CTNS: variants seen among roughly 807,000 people sequenced by gnomAD.
CTNS encodes cystinosin.
Under a neutral mutation model 43.7 loss-of-function variants are expected in CTNS, and 27 were observed. The ratio of observed to expected loss-of-function variants is 0.62; its 90% CI spans 0.46 to 0.85. The LOEUF is 0.85. Ranked by LOEUF, CTNS falls within the 40% of genes least tolerant of loss-of-function variation. The pLI, the probability that CTNS is intolerant of heterozygous loss-of-function variation, is 0.00. For missense variants in CTNS, 457 were observed against 475.4 expected, an observed-to-expected ratio of 0.96 and a Z score of 0.36; for synonymous variants, 187 against 190.6, an observed-to-expected ratio of 0.98 and a Z score of 0.16.
chr17:3,648,743 A>C, intron 4 of CTNS, 104 bp from the exon 5 acceptor site: 2 of 983,734 alleles, frequency 2.0e-6, no homozygotes, highest in Non-Finnish European at 3.3e-6. Context: ...GCATTTCCTA[A>C]GCCTAACTGC....
rs1857462208 is a variant in CTNS at position 3,661,419 on chromosome 17, G to GGC, written c.*1051_*1052insCG. The GGC allele has an allele frequency of 6.5e-6, 1 of 153,432 alleles. No individual in the cohort carries two copies. Among genetic ancestry groups the GGC allele is most frequent in the African/African-American group, 2.4e-5 (1 of 41,422 alleles). 9.5% of individuals were successfully genotyped at this position (153,432 alleles called of 1,614,324 possible). On this transcript the variant is annotated 3_prime_UTR_variant, in exon 12 of 12. Coordinates refer to ENST00000046640, the MANE Select transcript of CTNS (RefSeq NM_004937.3). The stretch of plus-strand genomic sequence containing the variant: ...AAAGCTGTCCTTCCTATGGCAGGAG[G>GGC]GGTGGGGGTCCCAGGACGTGCCTCA...
intron 3 of CTNS, among the ~76,000 whole-genome samples, chr17:3,644,106 C>A (rs1215571865): frequency 6.6e-6 from 1 of 152,118 alleles, no homozygotes; most frequent in Non-Finnish European, 1.5e-5. Flanking sequence ...CCACCTTGGG[C>A]TAAAAATATC....
At chr17:3,642,445 T>C (rs2075743840) in intron 3 of CTNS, among the ~76,000 whole-genome samples, 1 of 152,096 alleles carries the variant, frequency 6.6e-6, no homozygotes, top group Non-Finnish European at 1.5e-5. Context: ...CCCAGCACTT[T>C]GGGAGGCCAA....
intron 3 of CTNS, among the ~76,000 whole-genome samples, 180 bp from the exon 4 acceptor site, chr17:3,647,262 GTC>G (rs2075864905): frequency 6.6e-6 from 1 of 152,184 alleles, no homozygotes; most frequent in Non-Finnish European, 1.5e-5. Flanking sequence ...CTCCATCTCT[GTC>G]TCTGGCAGCA....
At chr17:3,653,283 G>A (rs1370072623) in intron 5 of CTNS, among the ~76,000 whole-genome samples, 1 of 150,644 alleles carries the variant, frequency 6.6e-6, no homozygotes, top group Non-Finnish European at 1.5e-5. Flanking sequence ...TATGGTTGTG[G>A]GCACCTGTAA....
chr17:3,653,133 C>T (rs566068263), intron 5 of CTNS, among the ~76,000 whole-genome samples: 207 of 152,276 alleles, frequency 1.4e-3, no homozygotes, highest in African/African-American at 4.7e-3. Flanking sequence ...CTCGGAAGGC[C>T]GGGCATGGTG....
In CTNS at chr17:3,662,954, G is replaced by A. The variant is rs927349890; in HGVS notation, c.*2585G>A. On this transcript the variant is annotated 3_prime_UTR_variant, in exon 12 of 12. Coordinates refer to ENST00000046640, the MANE Select transcript of CTNS (RefSeq NM_004937.3). ...GGGGAGGGGCGGCAGTGGTTTCCAC[G>A]GTAACCAAAGTAAGGCTTGTGCACT... The A allele has an allele frequency of 6.6e-6, 1 of 152,144 alleles. No homozygotes were observed. The highest frequency in any genetic ancestry group is 1.5e-5 in the Non-Finnish European group (1 of 68,036). 9.4% of individuals were successfully genotyped at this position (152,144 alleles called of 1,614,324 possible).
chr17:3,655,766 C>T, intron 7 of CTNS: 1 of 274,538 alleles, frequency 3.6e-6, no homozygotes, highest in Non-Finnish European at 7.1e-6. Flanking sequence ...TGCAGTCACC[C>T]TGGCCACGTC....
At chr17:3,637,703 G>C (rs985054523) in intron 2 of CTNS, among the ~76,000 whole-genome samples, 134 of 152,148 alleles carry the variant, frequency 8.8e-4, no homozygotes, top group African/African-American at 3.2e-3. Flanking sequence ...CTGACCTCAG[G>C]TGATGCGCTC....
At chr17:3,641,384 A>ATATATATATATATATTTTT (rs1555558526) in intron 3 of CTNS, among the ~76,000 whole-genome samples, 3 of 31,200 alleles carry the variant, frequency 9.6e-5, no homozygotes, top group East Asian at 1.3e-3. Flanking sequence ...ATATATATAT[A>ATATATATATATATATTTTT]TTTTTTTTTT....
At chr17:3,648,778 A>C in intron 4 of CTNS, 69 bp from the exon 5 acceptor site, 1 of 1,290,032 alleles carries the variant, frequency 7.8e-7, no homozygotes, top group Non-Finnish European at 1.1e-6. Context: ...CCAGATGTGA[A>C]ATCCAGAGGG....
At chr17:3,641,947 C>T (rs970520846) in intron 3 of CTNS, among the ~76,000 whole-genome samples, 2 of 152,082 alleles carry the variant, frequency 1.3e-5, no homozygotes, top group Non-Finnish European at 2.9e-5. Context: ...ACGTCAGAAC[C>T]CTGTCCCCAC....
At chr17:3,660,133 C>T (rs903921008) in intron 11 of CTNS, 103 bp from the exon 12 acceptor site, 105 of 1,547,404 alleles carry the variant, frequency 6.8e-5, no homozygotes, top group Non-Finnish European at 9.0e-5. Flanking sequence ...TAGCTGGAGG[C>T]TTTGTGGTTT....
At chr17:3,639,260 C>T (rs558065971) in intron 2 of CTNS, among the ~76,000 whole-genome samples, 2 of 152,290 alleles carry the variant, frequency 1.3e-5, no homozygotes, top group African/African-American at 4.8e-5. Flanking sequence ...CTTGGGTTTA[C>T]AGGAATGCAG....
intron 3 of CTNS, among the ~76,000 whole-genome samples, chr17:3,643,892 T>C (rs224499): frequency 0.5 from 75,223 of 151,786 alleles, 19,371 homozygotes; most frequent in Non-Finnish European, 0.57. Flanking sequence ...ATTAGCTGGG[T>C]GTGGTGGTGC....
rs777132924 is a variant in CTNS, at chr17:3,648,841, C to T, written c.141-6C>T. ...TCAGCAGTAATTAGACTCTTGTCCT[C>T]CACAGGCCACCATTAAATGCAACCC... On this transcript the variant is annotated splice_region_variant and splice_polypyrimidine_tract_variant and intron_variant, in intron 4 of 11. Coordinates refer to ENST00000046640, the MANE Select transcript of CTNS (RefSeq NM_004937.3). 11 of 1,611,940 alleles carry T rather than the reference C, an allele frequency of 6.8e-6. No individual in the cohort carries two copies. In the South Asian group the frequency reaches 8.8e-5, roughly 13 times the overall value.
rs541891135 is a variant in CTNS, at chr17:3,652,258, T to G, written c.226-2740T>G. On this transcript the variant is annotated intron_variant, in intron 5 of 11. Transcript: ENST00000046640. ...AGCTGTACAGTGAATAATGTTTACT[T>G]GACAGCCTTGTGAAGATTAAAAGCA... Among the ~76,000 whole-genome samples, 4 of 152,300 alleles carry G rather than the reference T, an allele frequency of 2.6e-5. No homozygotes were observed. The South Asian group carries it at 6.2e-4, about 24-fold the overall frequency.
At chr17:3,650,165 TTAA>T (rs1436695939) in intron 5 of CTNS, 1 of 1,550,090 alleles carries the variant, frequency 6.5e-7, no homozygotes, top group Non-Finnish European at 8.7e-7. Context: ...CAATGATACC[TTAA>T]TAAAGCTGGT....
In CTNS at chr17:3,654,423, C is replaced by G. The variant is rs753099481; in HGVS notation, c.226-575C>G. 4.3e-4 allele frequency among the ~76,000 whole-genome samples: 66 copies of G among 152,258 alleles called. 1 individual carries two copies. Among genetic ancestry groups the G allele is most frequent in the Middle Eastern group, 3.4e-3 (1 of 294 alleles). On this transcript the variant is annotated intron_variant, in intron 5 of 11. Coordinates refer to ENST00000046640, the MANE Select transcript of CTNS (RefSeq NM_004937.3). Reference sequence around the variant, plus strand: ...GTATGGTGGCTCATGCCTGTAATCCCAGCACTTTGGGAGGCCGAGGTGGGC... The same window carrying G: ...GTATGGTGGCTCATGCCTGTAATCCGAGCACTTTGGGAGGCCGAGGTGGGC...
Sources: gnomAD v4.1 joint callset for allele counts (sites outside exome capture counted in the v4.1 genomes callset) on GRCh38, gnomAD v4.1.1 for gene constraint, MANE v1.5 for transcripts, NCBI Gene and HGNC (gene_info 2026-07-23, HGNC 2026-07-21) for gene names.